LRBA: variants seen among roughly 807,000 people sequenced by gnomAD.
LRBA encodes lipopolysaccharide-responsive and beige-like anchor protein.
In LRBA, 176 loss-of-function variants were observed where a neutral mutation model predicts 330.0. The ratio of observed to expected loss-of-function variants is 0.53; its 90% CI spans 0.47 to 0.60. The LOEUF (loss-of-function observed/expected upper bound fraction) is 0.60, where lower values mean the gene tolerates loss of function less well. LRBA is among the 20% of genes least tolerant of loss of function. LRBA has a pLI of 0.00. For missense variants in LRBA, 3,259 were observed against 3,444.8 expected (o/e 0.95, Z 1.35); for synonymous variants, 1,230 against 1,193.0 (o/e 1.03, Z -0.64).
At chr4:150,408,765 T>A (rs1419897634) in intron 47 of LRBA, among the ~76,000 whole-genome samples, 2 of 152,164 alleles carry the variant, frequency 1.3e-5, no homozygotes, top group East Asian at 3.8e-4. Flanking sequence ...TCAATTTATA[T>A]AATATATCAT....
chr4:150,640,387 C>T (rs1386099107), intron 37 of LRBA, among the ~76,000 whole-genome samples: 2 of 152,022 alleles, frequency 1.3e-5, no homozygotes, highest in African/African-American at 4.8e-5. Context: ...CCAATTATGT[C>T]TTTTAGCATA....
At chr4:150,777,794 A>G (rs1306080897) in intron 34 of LRBA, among the ~76,000 whole-genome samples, 2 of 151,958 alleles carry the variant, frequency 1.3e-5, no homozygotes, top group East Asian at 3.9e-4. Flanking sequence ...CCTGGCCAAC[A>G]TGGTGAAACC....
chr4:150,571,649 G>GTT (rs58652637), intron 40 of LRBA, among the ~76,000 whole-genome samples: 6,178 of 74,418 alleles, frequency 0.083, 578 homozygotes, highest in Admixed American at 0.17. Context: ...CTGGTTAGTT[G>GTT]TTTTTTTTTT....
chr4:150,561,750 T>TTA (rs1649440432), intron 40 of LRBA, among the ~76,000 whole-genome samples: 1 of 152,192 alleles, frequency 6.6e-6, no homozygotes, highest in Non-Finnish European at 1.5e-5. Context: ...TGGAAATTTG[T>TTA]TATAGCAGCA....
chr4:150,586,309 C>T (rs984940852), intron 40 of LRBA, among the ~76,000 whole-genome samples: 4 of 152,006 alleles, frequency 2.6e-5, no homozygotes, highest in Non-Finnish European at 4.4e-5. Context: ...TCCAACTATT[C>T]CAGAAAAAAA....
intron 45 of LRBA, 149 bp downstream of exon 45, chr4:150,436,575 T>G: frequency 3.2e-6 from 2 of 624,530 alleles, no homozygotes; most frequent in Non-Finnish European, 5.1e-6. Flanking sequence ...ACAAGCCAAA[T>G]GAGATAGAGA....
chr4:151,014,299 G>C, intron 2 of LRBA, 128 bp downstream of exon 2: 1 of 657,744 alleles, frequency 1.5e-6, no homozygotes, highest in Non-Finnish European at 2.6e-6. Context: ...TAGGTGAGTA[G>C]AATTTTGTGT....
chr4:150,532,358 T>C (rs1213248615), intron 40 of LRBA, among the ~76,000 whole-genome samples: 2 of 152,186 alleles, frequency 1.3e-5, no homozygotes, highest in Non-Finnish European at 2.9e-5. Flanking sequence ...ATTTGTGTTA[T>C]ATTGCTACAG....
At chr4:150,630,752 A>G (rs1189326844) in intron 37 of LRBA, among the ~76,000 whole-genome samples, 1 of 152,130 alleles carries the variant, frequency 6.6e-6, no homozygotes, top group Non-Finnish European at 1.5e-5. Context: ...AAGCTCTGAA[A>G]CAGCTATTTG....
At chr4:150,543,397 T>G (rs974339636) in intron 40 of LRBA, among the ~76,000 whole-genome samples, 4 of 152,232 alleles carry the variant, frequency 2.6e-5, no homozygotes, top group Non-Finnish European at 5.9e-5. Flanking sequence ...CCATGTCCTA[T>G]CCTTTTCATT....
chr4:150,967,101 A>T lies in LRBA; in HGVS notation c.217-38036T>A, dbSNP rs535301050. ...ATTTAATTTGTTTTAAATAGTAGTT[A>T]AAAAACCATTAACACATTAAGGACA... On this transcript the variant is annotated intron_variant, in intron 2 of 56. Transcript: ENST00000651943. 1.5e-4 allele frequency among the ~76,000 whole-genome samples: 23 copies of T among 152,340 alleles called. No individual in the cohort carries two copies. In the South Asian group the frequency reaches 4.8e-3, roughly 32 times the overall value.
chr4:150,782,391 C>T (rs13110595), intron 34 of LRBA, among the ~76,000 whole-genome samples: 8,193 of 152,216 alleles, frequency 0.054, 316 homozygotes, highest in Middle Eastern at 0.12. Flanking sequence ...TTCTAAAGGC[C>T]AGAAGTCTGA....
intron 38 of LRBA, among the ~76,000 whole-genome samples, chr4:150,598,276 T>C (rs1007800096): frequency 3.9e-5 from 6 of 152,068 alleles, no homozygotes; most frequent in Non-Finnish European, 7.4e-5. Context: ...ATATCTTAAT[T>C]GACTTTCAAA....
At chr4:150,761,560 C>T (rs1328300892) in intron 35 of LRBA, among the ~76,000 whole-genome samples, 1 of 151,940 alleles carries the variant, frequency 6.6e-6, no homozygotes, top group African/African-American at 2.4e-5. Flanking sequence ...CTCAGCCACA[C>T]TTTTTGAAAA....
chr4:150,350,798 A>C (rs918981454), intron 47 of LRBA, among the ~76,000 whole-genome samples: 4 of 152,216 alleles, frequency 2.6e-5, no homozygotes, highest in African/African-American at 9.6e-5. Context: ...CTTCAAAGAA[A>C]GGAAGCCATA....
At chr4:150,694,687 C>T (rs190453881) in intron 36 of LRBA, among the ~76,000 whole-genome samples, 90 of 151,598 alleles carry the variant, frequency 5.9e-4, no homozygotes, top group Non-Finnish European at 9.1e-4. Flanking sequence ...CAGCAACCCC[C>T]TCCTCCCTTC....
intron 26 of LRBA, among the ~76,000 whole-genome samples, chr4:150,848,252 G>T (rs1578984656): frequency 6.6e-6 from 1 of 151,898 alleles, no homozygotes; most frequent in African/African-American, 2.4e-5. Flanking sequence ...TGACCTCAGG[G>T]GATCCACCCA....
At chr4:150,504,988 C>T (rs1445342760) in intron 40 of LRBA, among the ~76,000 whole-genome samples, 2 of 152,172 alleles carry the variant, frequency 1.3e-5, no homozygotes, top group Non-Finnish European at 2.9e-5. Context: ...AAGGCCATTA[C>T]ATAATGGTAA....
intron 46 of LRBA, chr4:150,423,060 G>T (rs542457216): frequency 1.3e-6 from 1 of 795,856 alleles, no homozygotes; most frequent in Non-Finnish European, 2.3e-6. Flanking sequence ...CAGACAGGAT[G>T]TCACAGGTGG....
Sources: gnomAD v4.1 joint callset for allele counts (sites outside exome capture counted in the v4.1 genomes callset) on GRCh38, gnomAD v4.1.1 for gene constraint, MANE v1.5 for transcripts, NCBI Gene and HGNC (gene_info 2026-07-23, HGNC 2026-07-21) for gene names.